The following SH3RF1 variants were observed in gnomAD, a reference collection of about 807,000 sequenced individuals.
The protein encoded by SH3RF1 is E3 ubiquitin-protein ligase SH3RF1.
Under a neutral mutation model 74.0 loss-of-function variants are expected in SH3RF1, and 32 were observed. That is an observed-to-expected ratio of 0.43 (90% CI 0.33 to 0.58). SH3RF1 has a LOEUF of 0.58. SH3RF1 is among the 20% of genes least tolerant of loss of function. The pLI is 0.05. For synonymous variants in SH3RF1, 396 were observed against 439.6 expected, an observed-to-expected ratio of 0.90 and a Z score of 1.24; for missense variants, 954 against 1,130.9, an observed-to-expected ratio of 0.84 and a Z score of 2.24.
Position 169,116,594 on chromosome 4 carries a change from A to G in SH3RF1, c.1814T>C (p.Val605Ala). The part of the protein sequence containing the change: ...AHNQERPTAA[V>A]TPIQVQNAAG... ...GGCATTCTGTACCTGGATGGGTGTCACTGCTGCCGTGGGGCGTTCCTGGTT... is the reference window on the plus strand; with the variant it reads ...GGCATTCTGTACCTGGATGGGTGTCGCTGCTGCCGTGGGGCGTTCCTGGTT... Residue 605 changes from valine to alanine, a missense_variant, in exon 10 of 12, where the codon GTG becomes GCG. Around this residue, in one of 3 missense-constraint regions of SH3RF1, gnomAD observed 854 missense variants for 962.5 expected, o/e 0.89. Coordinates refer to ENST00000284637, the MANE Select transcript of SH3RF1 (RefSeq NM_020870.4). The G allele has an allele frequency of 6.4e-7, 1 of 1,572,566 alleles. No homozygotes were observed. The highest frequency in any genetic ancestry group is 8.7e-7 in the Non-Finnish European group (1 of 1,156,058).
intron 2 of SH3RF1, chr4:169,203,905 C>T (rs1292423683): frequency 6.6e-6 from 1 of 152,204 alleles, no homozygotes; most frequent in African/African-American, 2.4e-5. Flanking sequence ...GGTTGCACTA[C>T]TAATTAGCTA....
In SH3RF1 at chr4:169,134,737, A is replaced by C. The variant is rs115572762; in HGVS notation, c.1068+1581T>G. Among the ~76,000 whole-genome samples the C allele has an allele frequency of 4.4e-3, 665 of 152,290 alleles. 2 individuals are homozygous for C. Among genetic ancestry groups the C allele is most frequent in the Non-Finnish European group, 5.8e-3 (396 of 68,034 alleles). On this transcript the variant is annotated intron_variant, in intron 5 of 11. Transcript: ENST00000284637. ...TTCTCACACGGATATGATTAGTTAA[A>C]TGTAAAATGACATGGTTCCCCTCTC... is the stretch of plus-strand genomic sequence containing the variant.
At chr4:169,201,883 T>C (rs1273822559) in intron 2 of SH3RF1, 6 of 152,188 alleles carry the variant, frequency 3.9e-5, no homozygotes, top group Admixed American at 2.0e-4. Context: ...AGAAACCTAG[T>C]AGCACAGGAT....
At chr4:169,246,106 C>T (rs1561063522) in intron 2 of SH3RF1, among the ~76,000 whole-genome samples, 1 of 152,094 alleles carries the variant, frequency 6.6e-6, no homozygotes, top group Non-Finnish European at 1.5e-5. Context: ...CCCCTCTGAA[C>T]CATGTGTCTG....
chr4:169,188,619 C>T (rs1172238215), intron 2 of SH3RF1, among the ~76,000 whole-genome samples: 1 of 152,216 alleles, frequency 6.6e-6, no homozygotes, highest in African/African-American at 2.4e-5. Context: ...TTGTAATTCA[C>T]TGAAAATCTG....
chr4:169,255,310 G>C (rs555341718), intron 2 of SH3RF1, among the ~76,000 whole-genome samples: 1 of 152,176 alleles, frequency 6.6e-6, no homozygotes, highest in Non-Finnish European at 1.5e-5. Context: ...AGCATAGCAA[G>C]GCTCTTCACT....
At chr4:169,248,260 C>A (rs532139653) in intron 2 of SH3RF1, among the ~76,000 whole-genome samples, 6 of 152,008 alleles carry the variant, frequency 3.9e-5, no homozygotes, top group Admixed American at 1.3e-4. Flanking sequence ...AATGATAGAC[C>A]GCATAAAGAA....
chr4:169,182,504 G>T (rs1197295556), intron 2 of SH3RF1, among the ~76,000 whole-genome samples: 1 of 152,138 alleles, frequency 6.6e-6, no homozygotes, highest in African/African-American at 2.4e-5. Context: ...GGTTTTGAGG[G>T]TATAGAAACT....
chr4:169,178,261 A>C (rs370930736), intron 2 of SH3RF1, among the ~76,000 whole-genome samples: 18 of 144,052 alleles, frequency 1.2e-4, no homozygotes, highest in Non-Finnish European at 2.6e-4. Flanking sequence ...ACAAATAAAC[A>C]AAAAAAAAAA....
chr4:169,125,121 T>C (rs990264928), intron 6 of SH3RF1, among the ~76,000 whole-genome samples: 2 of 152,182 alleles, frequency 1.3e-5, no homozygotes, highest in Non-Finnish European at 2.9e-5. Context: ...TTTTGCCATG[T>C]CCAGGTTCTC....
intron 5 of SH3RF1, among the ~76,000 whole-genome samples, chr4:169,135,465 A>G (rs1683918786): frequency 6.6e-6 from 1 of 152,174 alleles, no homozygotes; most frequent in Non-Finnish European, 1.5e-5. Context: ...TGTGACAGGC[A>G]GCTTTGAACT....
At position 169,106,964 on chromosome 4, in the gene SH3RF1, G is replaced by A; in HGVS notation, c.2381C>T (p.Ala794Val). 6.2e-7 allele frequency: 1 copy of A among 1,613,928 alleles called. No homozygotes were observed. The change falls in exon 11 of 12, where the codon GCT becomes GTT. Residue 794 changes from alanine to valine, a missense_variant. Ala to Val is a moderately conservative substitution (Grantham distance 64). Around this residue, in one of 3 missense-constraint regions of SH3RF1, gnomAD observed 854 missense variants for 962.5 expected, o/e 0.89. Coordinates refer to ENST00000284637, the MANE Select transcript of SH3RF1 (RefSeq NM_020870.4). ...CAGGGAACTTGCCTTCCTATGAAAA[G>A]CATCCTGGGCCAGGGCTGCTCCTGC... ...AVAGAALAQD[A>V]FHRKASSLDS...
intron 2 of SH3RF1, among the ~76,000 whole-genome samples, chr4:169,227,919 C>T (rs1398437168): frequency 6.6e-6 from 1 of 152,120 alleles, no homozygotes; most frequent in Non-Finnish European, 1.5e-5. Context: ...GTCACAAGAG[C>T]GAATGAAGGG....
At chr4:169,209,452 A>G (rs1434386987) in intron 2 of SH3RF1, among the ~76,000 whole-genome samples, 1 of 152,148 alleles carries the variant, frequency 6.6e-6, no homozygotes, top group Non-Finnish European at 1.5e-5. Flanking sequence ...TACATTCCTC[A>G]TCCTACAGCA....
At chr4:169,109,641 A>G (rs1363146516) in intron 10 of SH3RF1, among the ~76,000 whole-genome samples, 2 of 152,318 alleles carry the variant, frequency 1.3e-5, no homozygotes, top group South Asian at 2.1e-4. Flanking sequence ...TTGCAAACTC[A>G]GACACTTAGC....
Position 169,139,751 on chromosome 4 carries a change from C to G in SH3RF1, c.766-3131G>C, listed in dbSNP as rs115491430. The stretch of plus-strand genomic sequence containing the variant: ...GTAGACACATCCTGGAGTGGTGTAA[C>G]AAGCCAACTGGCAAGTAGAAGACCA... On this transcript the variant is annotated intron_variant, in intron 4 of 11. Transcript: ENST00000284637. Among the ~76,000 whole-genome samples the G allele has an allele frequency of 1.7e-3, 255 of 152,252 alleles. 2 individuals carry two copies. Among genetic ancestry groups the G allele is most frequent in the African/African-American group, 5.9e-3 (245 of 41,540 alleles).
At chr4:169,173,509 A>G (rs1281088266) in intron 2 of SH3RF1, among the ~76,000 whole-genome samples, 2 of 152,090 alleles carry the variant, frequency 1.3e-5, no homozygotes, top group African/African-American at 4.8e-5. Flanking sequence ...ATAAATTGTC[A>G]CTACAATCAT....
At chr4:169,260,181 T>C (rs1018710757) in intron 2 of SH3RF1, among the ~76,000 whole-genome samples, 1 of 152,180 alleles carries the variant, frequency 6.6e-6, no homozygotes, top group Non-Finnish European at 1.5e-5. Flanking sequence ...GTCAGGGGCT[T>C]GAACTGACAT....
At chr4:169,126,221 G>A (rs1202709260) in intron 6 of SH3RF1, among the ~76,000 whole-genome samples, 2 of 152,224 alleles carry the variant, frequency 1.3e-5, no homozygotes, top group Non-Finnish European at 2.9e-5. Flanking sequence ...GATCCTCAAT[G>A]AGCATTTCAT....
Sources: allele counts gnomAD v4.1 joint callset (sites outside exome capture counted in the v4.1 genomes callset), GRCh38; gene constraint gnomAD v4.1.1; regional missense constraint gnomAD v4.1.1; transcripts MANE v1.5; gene names NCBI Gene and HGNC (gene_info 2026-07-23, HGNC 2026-07-21).